The following HMCN1 variants were observed in gnomAD, a reference collection of about 807,000 sequenced individuals.
HMCN1 encodes hemicentin 1.
HMCN1 carries 321 observed loss-of-function variants against 625.9 expected under a neutral mutation model. That is an observed-to-expected ratio of 0.51 (90% CI 0.47 to 0.56). The LOEUF (loss-of-function observed/expected upper bound fraction) is 0.56, where lower values mean the gene tolerates loss of function less well. Among genes scored for constraint, HMCN1 ranks in the 20% least tolerant of loss-of-function variants. The probability of loss-of-function intolerance (pLI) is 0.00; values close to 1 mark genes in which losing one functional copy is unlikely to be tolerated. For missense variants in HMCN1, 6,588 were observed against 6,887.3 expected, an observed-to-expected ratio of 0.96 and a Z score of 1.54; for synonymous variants, 2,425 against 2,417.6, an observed-to-expected ratio of 1.00 and a Z score of -0.09.
At chr1:185,996,120 C>T (rs12089161) in intron 24 of HMCN1, among the ~76,000 whole-genome samples, 2,026 of 152,200 alleles carry the variant, frequency 0.013, 55 homozygotes, top group African/African-American at 0.045. Flanking sequence ...GAAATAGTCT[C>T]ATGACTATGT....
intron 1 of HMCN1, among the ~76,000 whole-genome samples, chr1:185,770,027 G>A (rs1362332214): frequency 6.6e-6 from 1 of 152,130 alleles, no homozygotes; most frequent in African/African-American, 2.4e-5. Context: ...CTCTTGATAG[G>A]AGGCAAAGTT....
At chr1:185,775,612 A>AG (rs1224425868) in intron 1 of HMCN1, among the ~76,000 whole-genome samples, 1 of 152,214 alleles carries the variant, frequency 6.6e-6, no homozygotes, top group Non-Finnish European at 1.5e-5. Flanking sequence ...AAAGCCAGGT[A>AG]GGGCAGTTGT....
chr1:186,166,687 CCTT>C lies in HMCN1; in HGVS notation c.15440-117_15440-115del, dbSNP rs560579901. On this transcript the variant is annotated intron_variant, in intron 99 of 106. Coordinates refer to ENST00000271588, the MANE Select transcript of HMCN1 (RefSeq NM_031935.3). ...ATGTGACTCAACCAAAAACTTTAGT[CCTT>C]CTTGTTCTTTTCTAGTTTCAAGGGT... The C allele has an allele frequency of 6.3e-5, 89 of 1,420,506 alleles. No homozygotes were observed. In the East Asian group the frequency reaches 1.8e-3, roughly 29 times the overall value. 88.0% of individuals were successfully genotyped at this position (1,420,506 alleles called of 1,614,324 possible).
intron 35 of HMCN1, 118 bp downstream of exon 35, chr1:186,019,813 A>G: frequency 1.3e-6 from 1 of 751,130 alleles, no homozygotes; most frequent in Admixed American, 2.9e-5. Context: ...CAGAAAATTT[A>G]TTAAAAATAA....
chr1:185,972,038 G>A (rs1045971955), intron 15 of HMCN1, among the ~76,000 whole-genome samples: 1 of 151,920 alleles, frequency 6.6e-6, no homozygotes, highest in African/African-American at 2.4e-5. Context: ...AAATAAAGAG[G>A]GTCACTACAT....
At chr1:185,743,935 T>A (rs888209926) in intron 1 of HMCN1, among the ~76,000 whole-genome samples, 3 of 149,850 alleles carry the variant, frequency 2.0e-5, no homozygotes, top group Admixed American at 1.3e-4. Flanking sequence ...ACAGTAAGAC[T>A]AAAAAATTAC....
At position 186,190,477 on chromosome 1, in the gene HMCN1, T is replaced by G. The variant is rs1192558010; in HGVS notation, c.*599T>G. 5.0e-6 allele frequency: 1 copy of G among 200,298 alleles called. No homozygotes were observed. Among genetic ancestry groups the G allele is most frequent in the East Asian group, 7.7e-5 (1 of 13,040 alleles). 12.4% of individuals were successfully genotyped at this position (200,298 alleles called of 1,614,324 possible). A position where few individuals can be genotyped will look rare whatever the true frequency, so the allele number is the denominator to read the frequency against. On this transcript the variant is annotated 3_prime_UTR_variant, in exon 107 of 107. Transcript: ENST00000271588. Reference sequence around the variant, plus strand: ...AAATGGTGCTTATCTTGATTGAACATTCAGAACAAGGATATTATTTTCAGT... The same window carrying G: ...AAATGGTGCTTATCTTGATTGAACAGTCAGAACAAGGATATTATTTTCAGT...
chr1:186,014,048 G>A (rs564608415), intron 30 of HMCN1, among the ~76,000 whole-genome samples: 2 of 152,194 alleles, frequency 1.3e-5, no homozygotes, highest in South Asian at 2.1e-4. Flanking sequence ...GAGAAATATG[G>A]CAAACACTAC....
chr1:185,894,728 A>G (rs189513311), intron 4 of HMCN1, among the ~76,000 whole-genome samples: 1 of 152,102 alleles, frequency 6.6e-6, no homozygotes, highest in African/African-American at 2.4e-5. Context: ...TTTTTTTTGT[A>G]TAGGTTTAGA....
At position 186,146,561 on chromosome 1, in the gene HMCN1, A is replaced by C. The variant is rs930218035; in HGVS notation, c.14608+638A>C. Among the ~76,000 whole-genome samples, 7 of 152,276 alleles carry C rather than the reference A, an allele frequency of 4.6e-5. No individual in the cohort carries two copies. The East Asian group carries it at 1.4e-3, about 29-fold the overall frequency. ...TTGAAGTGTCAAGATATCAGTTAGA[A>C]TCTCCAAAGCTTTAAGGTCTTCTTA... is the stretch of plus-strand genomic sequence containing the variant. On this transcript the variant is annotated intron_variant, in intron 93 of 106. Transcript: ENST00000271588.
intron 85 of HMCN1, 35 bp downstream of exon 85, chr1:186,130,732 A>AC (rs760520071): frequency 1.9e-6 from 3 of 1,583,424 alleles, no homozygotes. Flanking sequence ...GCACCTTTAA[A>AC]CCCCCACAGC....
intron 1 of HMCN1, among the ~76,000 whole-genome samples, chr1:185,799,494 A>G (rs1439676633): frequency 2.0e-5 from 3 of 152,208 alleles, no homozygotes; most frequent in Non-Finnish European, 2.9e-5. Context: ...CACAAGGACC[A>G]GCCCTGATTG....
rs375820274 is a variant in HMCN1, at chr1:186,038,044, AC to A, written c.5851+10del. 2,889 of 1,525,346 alleles carry A rather than the reference AC, an allele frequency of 1.9e-3. 28 individuals are homozygous for A. Among genetic ancestry groups the A allele is most frequent in the South Asian group, 0.015 (1,354 of 89,348 alleles). The allele number at this position is 1,525,346 out of a possible 1,614,324, so 94.5% of individuals were successfully genotyped here. ...TGGAAATCCTGTGCCTGGTACATTT[AC>A]TTTTGAACTCTGTAACTTAATATTT... On this transcript the variant is annotated intron_variant, in intron 37 of 106. Transcript: ENST00000271588.
chr1:186,171,486 C>T (rs776805632), intron 101 of HMCN1, 36 bp downstream of exon 101: 1 of 1,406,686 alleles, frequency 7.1e-7, no homozygotes, highest in South Asian at 1.2e-5. Context: ...GGAATGACAC[C>T]TCTATAACTT....
At chr1:186,188,996 T>A (rs1427590939) in intron 106 of HMCN1, among the ~76,000 whole-genome samples, 1 of 152,198 alleles carries the variant, frequency 6.6e-6, no homozygotes, top group East Asian at 1.9e-4. Context: ...ATAAAGCTTT[T>A]TAATCTACAA....
chr1:185,815,934 C>A (rs746349585), intron 1 of HMCN1, among the ~76,000 whole-genome samples: 7 of 149,746 alleles, frequency 4.7e-5, no homozygotes, highest in Middle Eastern at 3.4e-3. Context: ...AATATTGTAC[C>A]CCATGAGCAA....
At chr1:185,951,139 G>T (rs1668641149) in intron 11 of HMCN1, among the ~76,000 whole-genome samples, 1 of 151,416 alleles carries the variant, frequency 6.6e-6, no homozygotes, top group Admixed American at 6.6e-5. Context: ...TATACTTGTG[G>T]GTTAAGGTGG....
chr1:186,137,300 C>A (rs892134190), intron 87 of HMCN1, among the ~76,000 whole-genome samples, 198 bp from the exon 88 acceptor site: 1 of 152,148 alleles, frequency 6.6e-6, no homozygotes, highest in East Asian at 1.9e-4. Context: ...AGTGAGGATT[C>A]GATCTGAGAA....
chr1:185,888,368 C>T (rs1664812815), intron 4 of HMCN1, among the ~76,000 whole-genome samples: 1 of 144,216 alleles, frequency 6.9e-6, no homozygotes, highest in Non-Finnish European at 1.5e-5. Context: ...GTGTTTTAGA[C>T]ATGAAGTCCT....
Sources: gnomAD v4.1 joint callset for allele counts (sites outside exome capture counted in the v4.1 genomes callset) on GRCh38, gnomAD v4.1.1 for gene constraint, MANE v1.5 for transcripts, NCBI Gene and HGNC (gene_info 2026-07-23, HGNC 2026-07-21) for gene names.